CAPN8: variants seen among roughly 807,000 people sequenced by gnomAD.
The protein encoded by CAPN8 is calpain-8.
Under a neutral mutation model 80.9 loss-of-function variants are expected in CAPN8, and 87 were observed. The ratio of observed to expected loss-of-function variants is 1.07; its 90% CI spans 0.90 to 1.28. The LOEUF (loss-of-function observed/expected upper bound fraction) is 1.28, where lower values mean the gene tolerates loss of function less well. Among genes scored for constraint, CAPN8 ranks in the 50% most tolerant of loss-of-function variants. The pLI, the probability that CAPN8 is intolerant of heterozygous loss-of-function variation, is 0.00. For synonymous variants in CAPN8, 299 were observed against 273.8 expected (o/e 1.09, Z -0.91); for missense variants, 757 against 702.0 (o/e 1.08, Z -0.89).
chr1:223,554,638 T>C lies in CAPN8; in HGVS notation c.1573-738A>G, dbSNP rs979558842. Among the ~76,000 whole-genome samples, 29 of 152,152 alleles carry C rather than the reference T, an allele frequency of 1.9e-4. 1 individual carries two copies. Among genetic ancestry groups the C allele is most frequent in the Middle Eastern group, 6.8e-3 (2 of 292 alleles). ...TTCATCAGATTCACGAAGAGCAACA[T>C]GATTTCAAAAGTGTTGAGAACATGG... On this transcript the variant is annotated intron_variant, in intron 13 of 20. Transcript: ENST00000366872.
chr1:223,618,561 A>G (rs184053890), intron 9 of CAPN8, among the ~76,000 whole-genome samples: 2 of 152,298 alleles, frequency 1.3e-5, no homozygotes, highest in Admixed American at 1.3e-4. Context: ...CCCCTAGCGC[A>G]CCATCAGCCA....
chr1:223,610,085 A>G (rs2102696630), intron 11 of CAPN8, among the ~76,000 whole-genome samples: 1 of 152,344 alleles, frequency 6.6e-6, no homozygotes, highest in South Asian at 2.1e-4. Context: ...CACAGGTGCC[A>G]AAGTTATTAT....
At position 223,625,794 on chromosome 1, in the gene CAPN8, C is replaced by T. The variant is rs1253064536; in HGVS notation, c.813+11G>A. The T allele has an allele frequency of 6.5e-7, 1 of 1,546,140 alleles. No individual in the cohort carries two copies. Among genetic ancestry groups the T allele is most frequent in the East Asian group, 2.5e-5 (1 of 40,704 alleles). ...CACACGTTACCTTCCCCACCTTCCACACAATTTTACCTCTTCGACTCCAGT... is the reference window on the plus strand; with the variant it reads ...CACACGTTACCTTCCCCACCTTCCATACAATTTTACCTCTTCGACTCCAGT... On this transcript the variant is annotated intron_variant, in intron 6 of 20. Transcript: ENST00000366872.
chr1:223,620,051 A>G lies in CAPN8; in HGVS notation c.974+141T>C, dbSNP rs543306972. 99 of 729,974 alleles carry G rather than the reference A, an allele frequency of 1.4e-4. No homozygotes were observed. In the African/African-American group the frequency reaches 1.5e-3, roughly 11 times the overall value. 45.2% of individuals were successfully genotyped at this position (729,974 alleles called of 1,614,324 possible). A position where few individuals can be genotyped will look rare whatever the true frequency, so the allele number is the denominator to read the frequency against. ...GCTGGTATAGAGGTGGAATTATACCAGGACAAAAGGAGAAGAATGAATTCA... is the reference window on the plus strand; with the variant it reads ...GCTGGTATAGAGGTGGAATTATACCGGGACAAAAGGAGAAGAATGAATTCA... On this transcript the variant is annotated intron_variant, in intron 8 of 20. Transcript: ENST00000366872.
chr1:223,643,708 CCAAA>C (rs1466989275), intron 2 of CAPN8, among the ~76,000 whole-genome samples: 2 of 152,214 alleles, frequency 1.3e-5, no homozygotes, highest in African/African-American at 4.8e-5. Flanking sequence ...CAGAGTTTCT[CCAAA>C]CAGTTTGTCC....
chr1:223,541,696 G>A lies in CAPN8; in HGVS notation c.*140C>T, dbSNP rs1413004188. The A allele has an allele frequency of 1.1e-5, 15 of 1,366,508 alleles. No homozygotes were observed. The highest frequency in any genetic ancestry group is 1.4e-5 in the African/African-American group (1 of 69,772). The allele number at this position is 1,366,508 out of a possible 1,614,324, so 84.6% of individuals were successfully genotyped here. The stretch of plus-strand genomic sequence containing the variant: ...CTTACATAGCTCATAGCTCAGTGCT[G>A]CTGAAATAGACCCAGGGCAAGAAAG... On this transcript the variant is annotated 3_prime_UTR_variant, in exon 21 of 21. Coordinates refer to ENST00000366872, the MANE Select transcript of CAPN8 (RefSeq NM_001143962.2).
At chr1:223,655,523 GAAAT>G (rs561589491) in intron 1 of CAPN8, among the ~76,000 whole-genome samples, 4 of 152,160 alleles carry the variant, frequency 2.6e-5, no homozygotes, top group Non-Finnish European at 5.9e-5. Flanking sequence ...AGAAAGAAAA[GAAAT>G]AAACCACGTA....
intron 17 of CAPN8, 115 bp from the exon 18 acceptor site, chr1:223,544,965 C>A (rs1558334588): frequency 6.6e-7 from 1 of 1,504,124 alleles, no homozygotes; most frequent in Non-Finnish European, 8.9e-7. Flanking sequence ...AAAAGGAGAC[C>A]CTATTGACTC....
At chr1:223,615,649 T>C in intron 10 of CAPN8, 1 of 471,426 alleles carries the variant, frequency 2.1e-6, no homozygotes. Flanking sequence ...TGCCCCCATG[T>C]TCTTGGCTCT....
chr1:223,645,592 T>G (rs1005960569), intron 2 of CAPN8, among the ~76,000 whole-genome samples: 3 of 152,114 alleles, frequency 2.0e-5, no homozygotes, highest in African/African-American at 4.8e-5. Context: ...CCCTGTTAAA[T>G]GATGGAGAAA....
chr1:223,548,784 T>C lies in CAPN8; in HGVS notation c.1764+534A>G, dbSNP rs371006390. ...CAGCCTAACACACCATACTTCAATATCAAGTGAGGGTTAAACTAGATCAGG... is the reference window on the plus strand; with the variant it reads ...CAGCCTAACACACCATACTTCAATACCAAGTGAGGGTTAAACTAGATCAGG... On this transcript the variant is annotated intron_variant, in intron 16 of 20. Coordinates refer to ENST00000366872, the MANE Select transcript of CAPN8 (RefSeq NM_001143962.2). 1.9e-3 allele frequency among the ~76,000 whole-genome samples: 296 copies of C among 152,298 alleles called. 4 individuals carry two copies. Among genetic ancestry groups the C allele is most frequent in the South Asian group, 0.013 (61 of 4,818 alleles).
Position 223,665,685 on chromosome 1 carries a change from G to A in CAPN8, c.-39C>T. On this transcript the variant is annotated 5_prime_UTR_variant, in exon 1 of 21. Transcript: ENST00000366872. ...GTAGGGTGGACAGAAGGGCAGGGCT[G>A]CACTGTACTCTCAGACACCTGCTCC... 4.0e-6 allele frequency: 6 copies of A among 1,487,036 alleles called. No individual in the cohort carries two copies. Among genetic ancestry groups the A allele is most frequent in the Non-Finnish European group, 5.5e-6 (6 of 1,090,560 alleles). The allele number at this position is 1,487,036 out of a possible 1,614,324, so 92.1% of individuals were successfully genotyped here.
intron 4 of CAPN8, 61 bp downstream of exon 4, chr1:223,627,948 G>A: frequency 6.8e-7 from 1 of 1,467,942 alleles, no homozygotes; most frequent in Non-Finnish European, 9.1e-7. Context: ...ACGTGGGAGG[G>A]ACAGGTGAGA....
At chr1:223,555,371 C>T (rs1352981195) in intron 13 of CAPN8, among the ~76,000 whole-genome samples, 1 of 152,242 alleles carries the variant, frequency 6.6e-6, no homozygotes, top group Non-Finnish European at 1.5e-5. Context: ...CTGCATCCGA[C>T]TACTCTCAGC....
chr1:223,642,175 C>A (rs61825226), intron 2 of CAPN8, among the ~76,000 whole-genome samples: 1 of 152,188 alleles, frequency 6.6e-6, no homozygotes, highest in South Asian at 2.1e-4. Context: ...TCTCAGCAGA[C>A]GGTGGGGTAT....
chr1:223,557,951 G>A (rs1656943714), intron 13 of CAPN8, among the ~76,000 whole-genome samples, 180 bp downstream of exon 13: 1 of 152,212 alleles, frequency 6.6e-6, no homozygotes, highest in South Asian at 2.1e-4. Flanking sequence ...CAAAGCCTGG[G>A]TTCCAGGGCT....
chr1:223,552,456 C>T (rs1431913494), intron 14 of CAPN8, among the ~76,000 whole-genome samples: 29 of 146,470 alleles, frequency 2.0e-4, no homozygotes, highest in Non-Finnish European at 1.5e-4. Context: ...CCCAGCTACT[C>T]GGGAGGCTGA....
chr1:223,646,635 T>A (rs1274248525), intron 2 of CAPN8, among the ~76,000 whole-genome samples: 1 of 152,210 alleles, frequency 6.6e-6, no homozygotes, highest in Non-Finnish European at 1.5e-5. Context: ...TTATGCCCTT[T>A]AAGAACCATC....
rs1168013425 is a variant in CAPN8 at position 223,626,998 on chromosome 1, G to A, written c.720C>T (p.Cys240=). 5.8e-6 allele frequency: 9 copies of A among 1,551,142 alleles called. No homozygotes were observed. The East Asian group carries it at 1.7e-4, about 29-fold the overall frequency. ...AAGCCATATGCCTCACATCAATGGA[G>A]CAGCCCAGCAGAGACCCCGCACAGA... The part of the protein sequence containing the change: ...KALCAGSLLG[C]SIDVSSAAEA... The change falls in exon 5 of 21, where the codon TGC becomes TGT. Residue 240 remains cysteine (C), a synonymous_variant. Transcript: ENST00000366872.
Sources: allele counts gnomAD v4.1 joint callset (sites outside exome capture counted in the v4.1 genomes callset), GRCh38; gene constraint gnomAD v4.1.1; transcripts MANE v1.5; gene names NCBI Gene and HGNC (gene_info 2026-07-23, HGNC 2026-07-21).